IGFN1: variants seen among roughly 807,000 people sequenced by gnomAD.
IGFN1 encodes the protein immunoglobulin like and fibronectin type III domain containing 1.
A neutral mutation model predicts 289.5 loss-of-function variants in IGFN1; 253 were observed. The ratio of observed to expected loss-of-function variants is 0.87; its 90% CI spans 0.79 to 0.97. The LOEUF (loss-of-function observed/expected upper bound fraction) is 0.97. Among genes scored for constraint, IGFN1 ranks in the 50% least tolerant of loss-of-function variants. The pLI, the probability that IGFN1 is intolerant of heterozygous loss-of-function variation, is 0.00. For missense variants in IGFN1, 4,470 were observed against 4,686.1 expected (o/e 0.95, Z 1.35); for synonymous variants, 1,706 against 1,788.5 (o/e 0.95, Z 1.16).
intron 20 of IGFN1, 29 bp downstream of exon 20, chr1:201,222,856 G>C (rs1653826926): frequency 1.3e-6 from 2 of 1,557,166 alleles, no homozygotes; most frequent in Non-Finnish European, 1.8e-6. Flanking sequence ...GTGTGGGGAG[G>C]GAAGCCCAGA....
At chr1:201,204,485 G>A (rs535807179) in intron 10 of IGFN1, among the ~76,000 whole-genome samples, 1 of 152,288 alleles carries the variant, frequency 6.6e-6, no homozygotes, top group Non-Finnish European at 1.5e-5. Flanking sequence ...AGGGAGCTTT[G>A]GACAGACATG....
chr1:201,205,793 A>G (rs1667389394), intron 11 of IGFN1, among the ~76,000 whole-genome samples: 1 of 152,232 alleles, frequency 6.6e-6, no homozygotes, highest in Admixed American at 6.5e-5. Context: ...AGTTTGATAA[A>G]CAAATGACTT....
rs774119530 is a variant in IGFN1, at chr1:201,228,445, C to T, written c.*46C>T. 5.6e-6 allele frequency: 9 copies of T among 1,601,152 alleles called. No individual in the cohort carries two copies. Among genetic ancestry groups the T allele is most frequent in the African/African-American group, 1.3e-5 (1 of 74,720 alleles). The stretch of plus-strand genomic sequence containing the variant: ...GTCCTGGACCCTTGAAGCTTCACTT[C>T]CGACACCTGCACTGGCCCGGGAAGC... On this transcript the variant is annotated 3_prime_UTR_variant, in exon 24 of 24. Transcript: ENST00000335211.
intron 10 of IGFN1, 78 bp downstream of exon 10, chr1:201,203,984 T>C (rs1667280679): frequency 1.5e-6 from 2 of 1,302,692 alleles, no homozygotes; most frequent in Admixed American, 4.5e-5. Flanking sequence ...AACGTGTGTG[T>C]TGGGGGGTAA....
In IGFN1 at chr1:201,227,041, A is replaced by G. The variant is rs1442031237; in HGVS notation, c.10946A>G (p.Lys3649Arg). The change falls in exon 23 of 24, where the codon AAG becomes AGG. Residue 3649 changes from lysine (K) to arginine (R), a missense_variant. Transcript: ENST00000335211. ...GSPRPHVTWF[K>R]NDRSLEGNPA... is the part of the protein sequence containing the mutation. Reference sequence around the variant, plus strand: ...CCCCGGCCCCACGTCACCTGGTTCAAGAATGACCGCAGCCTGGAAGGAAAC... The same window carrying G: ...CCCCGGCCCCACGTCACCTGGTTCAGGAATGACCGCAGCCTGGAAGGAAAC... 4 of 1,613,552 alleles carry G rather than the reference A, an allele frequency of 2.5e-6. No individual in the cohort carries two copies. Among genetic ancestry groups the G allele is most frequent in the Non-Finnish European group, 3.4e-6 (4 of 1,180,042 alleles).
chr1:201,209,046 C>T lies in IGFN1; in HGVS notation c.4153C>T (p.Pro1385Ser), dbSNP rs562822863. The change falls in exon 12 of 24, where the codon CCT becomes TCT. Residue 1385 changes from proline to serine, a missense_variant. By Grantham distance (74) the Pro-to-Ser change is moderately conservative. Transcript: ENST00000335211. Reference protein sequence around the residue: ...ETDNRKDLGVPEGMGAGYRAG... With the variant: ...ETDNRKDLGVSEGMGAGYRAG... ...AGATAATAGGAAAGATTTGGGGGTTCCTGAGGGAATGGGTGCAGGTTACAG... is the reference window on the plus strand; with the variant it reads ...AGATAATAGGAAAGATTTGGGGGTTTCTGAGGGAATGGGTGCAGGTTACAG... The T allele has an allele frequency of 3.1e-5, 48 of 1,535,528 alleles. No homozygotes were observed. The East Asian group carries it at 4.9e-4, about 16-fold the overall frequency.
chr1:201,214,241 A>C lies in IGFN1; in HGVS notation c.8793A>C (p.Thr2931=). Residue 2931 remains threonine, a synonymous_variant, in exon 13 of 24, where the codon ACA becomes ACC. Transcript: ENST00000335211. ...DMEVQPGEAA[T]LSCTLTSDLG... is the part of the protein sequence containing the mutation. ...AAGTGCAGCCGGGGGAGGCCGCCAC[A>C]CTCTCCTGTACCCTCACCAGTGACC... 1 of 1,613,380 alleles carries C rather than the reference A, an allele frequency of 6.2e-7. No individual in the cohort carries two copies. Among genetic ancestry groups the C allele is most frequent in the Non-Finnish European group, 8.5e-7 (1 of 1,179,716 alleles).
At position 201,200,431 on chromosome 1, in the gene IGFN1, C is replaced by T. The variant is rs1320325672; in HGVS notation, c.633+20C>T. ...GCACAGGTGCCTCACCCCATTCCCACCCCTCACTCCATGCCCACCCCACAC... is the reference window on the plus strand; with the variant it reads ...GCACAGGTGCCTCACCCCATTCCCATCCCTCACTCCATGCCCACCCCACAC... On this transcript the variant is annotated intron_variant, in intron 8 of 23. Transcript: ENST00000335211. 6.5e-7 allele frequency: 1 copy of T among 1,542,808 alleles called. No individual in the cohort carries two copies. The highest frequency in any genetic ancestry group is 8.8e-7 in the Non-Finnish European group (1 of 1,139,832).
rs1175508498 is a variant in IGFN1, at chr1:201,208,068, T to A, written c.3175T>A (p.Ser1059Thr). ...CATGAATGACACCAGGAATTGGGCC[T>A]CTGCATGCCAGGCAGGCATGGACCC... ...APMNDTRNWA[S>T]ACQAGMDPRG... The change falls in exon 12 of 24, where the codon TCT becomes ACT. Residue 1059 changes from serine to threonine, a missense_variant. Coordinates refer to ENST00000335211, the MANE Select transcript of IGFN1 (RefSeq NM_001164586.2). 1.3e-6 allele frequency: 2 copies of A among 1,536,976 alleles called. No individual in the cohort carries two copies. Among genetic ancestry groups the A allele is most frequent in the Admixed American group, 3.9e-5 (2 of 50,990 alleles).
chr1:201,210,798 C>G lies in IGFN1; in HGVS notation c.5905C>G (p.Pro1969Ala). 1 of 1,526,892 alleles carries G rather than the reference C, an allele frequency of 6.5e-7. No homozygotes were observed. The highest frequency in any genetic ancestry group is 8.7e-7 in the Non-Finnish European group (1 of 1,143,834). 94.6% of individuals were successfully genotyped at this position (1,526,892 alleles called of 1,614,324 possible). ...KAGYRKDLGA[P>A]KGMGSGSKEG... Reference sequence around the variant, plus strand: ...AGGTTATAGGAAGGATTTGGGGGCTCCTAAGGGAATGGGTTCAGGGAGTAA... The same window carrying G: ...AGGTTATAGGAAGGATTTGGGGGCTGCTAAGGGAATGGGTTCAGGGAGTAA... The change falls in exon 12 of 24, where the codon CCT (proline) becomes GCT (alanine). Residue 1969 changes from proline to alanine, a missense_variant. This residue lies in a region of IGFN1 where 108 missense variants were observed against 128.7 expected (regional missense o/e 0.84). Coordinates refer to ENST00000335211, the MANE Select transcript of IGFN1 (RefSeq NM_001164586.2).
chr1:201,192,389 C>T (rs2102312778), intron 1 of IGFN1, among the ~76,000 whole-genome samples: 1 of 152,286 alleles, frequency 6.6e-6, no homozygotes, highest in South Asian at 2.1e-4. Flanking sequence ...TTCAAGACAT[C>T]CCCCCTCCCT....
chr1:201,206,878 G>T lies in IGFN1; in HGVS notation c.1985G>T (p.Gly662Val). Residue 662 changes from glycine to valine, a missense_variant, in exon 12 of 24, where the codon GGA becomes GTA. Around this residue, in one of 8 missense-constraint regions of IGFN1, gnomAD observed 2,011 missense variants for 1,953.4 expected, o/e 1.03. Transcript: ENST00000335211. ...GTGTGGGGTGGTGGGACTGGCCTGG[G>T]AGAAGCTGGAGACAGCAATGGGGCA... ...IVVWGGGTGLGEAGDSNGAGG... is the reference protein window; with the variant it reads ...IVVWGGGTGLVEAGDSNGAGG... 1 of 1,536,364 alleles carries T rather than the reference G, an allele frequency of 6.5e-7. No homozygotes were observed. Among genetic ancestry groups the T allele is most frequent in the Non-Finnish European group, 8.7e-7 (1 of 1,146,494 alleles).
At position 201,212,267 on chromosome 1, in the gene IGFN1, A is replaced by G. The variant is rs754420005; in HGVS notation, c.7374A>G (p.Ser2458=). ...LGSQGGRQTL[S]DERGSTKDLG... is the part of the protein sequence containing the mutation. ...CTCAGGGAGGGCGACAGACTCTTTC[A>G]GATGAGCGAGGCTCCACCAAAGATC... The change falls in exon 12 of 24, where the codon TCA becomes TCG. Residue 2458 remains serine, a synonymous_variant. Transcript: ENST00000335211. 1.0e-5 allele frequency: 16 copies of G among 1,535,830 alleles called. No individual in the cohort carries two copies. The highest frequency in any genetic ancestry group is 1.4e-5 in the Non-Finnish European group (16 of 1,146,518).
At chr1:201,199,117 C>T (rs1032277638) in intron 5 of IGFN1, among the ~76,000 whole-genome samples, 1 of 152,116 alleles carries the variant, frequency 6.6e-6, no homozygotes, top group African/African-American at 2.4e-5. Context: ...AGGTTGGTCC[C>T]CTTGGTCATG....
intron 4 of IGFN1, among the ~76,000 whole-genome samples, chr1:201,196,331 A>G (rs1666915684): frequency 6.6e-6 from 1 of 152,152 alleles, no homozygotes; most frequent in Non-Finnish European, 1.5e-5. Flanking sequence ...TAATAATAGT[A>G]CCTACTTTAA....
chr1:201,201,605 A>G (rs1342192577), intron 8 of IGFN1, 114 bp from the exon 9 acceptor site: 2 of 613,692 alleles, frequency 3.3e-6, no homozygotes, highest in Non-Finnish European at 5.9e-6. Flanking sequence ...GGGCCAATGC[A>G]TGCTCATCTG....
At chr1:201,199,744 A>G (rs899855491) in intron 7 of IGFN1, 90 bp downstream of exon 7, 3 of 1,132,034 alleles carry the variant, frequency 2.7e-6, no homozygotes, top group Admixed American at 2.2e-5. Flanking sequence ...CTTGAGCCCC[A>G]CCTCTACCCA....
chr1:201,211,096 C>G lies in IGFN1; in HGVS notation c.6203C>G (p.Ala2068Gly), dbSNP rs1260314635. 1.3e-6 allele frequency: 2 copies of G among 1,504,358 alleles called. No homozygotes were observed. The highest frequency in any genetic ancestry group is 1.2e-5 in the South Asian group (1 of 82,280). The allele number at this position is 1,504,358 out of a possible 1,614,324, so 93.2% of individuals were successfully genotyped here. The stretch of plus-strand genomic sequence containing the variant: ...GTAGAAATGGGGTCAGTGAATGAGG[C>G]AGGTTATAGGAAGGATTTAGGGGCT... The part of the protein sequence containing the change: ...SSVEMGSVNE[A>G]GYRKDLGAPK... The change falls in exon 12 of 24, where the codon GCA becomes GGA. Residue 2068 changes from alanine to glycine, a missense_variant. Ala to Gly is a moderately conservative substitution (Grantham distance 60). Coordinates refer to ENST00000335211, the MANE Select transcript of IGFN1 (RefSeq NM_001164586.2).
Position 201,214,173 on chromosome 1 carries a change from C to T in IGFN1, c.8729-4C>T, listed in dbSNP as rs751344628. ...CCCTGGGGATTCCCTCTGTGTCTCT[C>T]CAGGCCCCATGGGCCACTTCTCCCA... is the stretch of plus-strand genomic sequence containing the variant. On this transcript the variant is annotated splice_polypyrimidine_tract_variant and splice_region_variant and intron_variant, in intron 12 of 23. Coordinates refer to ENST00000335211, the MANE Select transcript of IGFN1 (RefSeq NM_001164586.2). 6.2e-7 allele frequency: 1 copy of T among 1,610,342 alleles called. No homozygotes were observed.
Sources: allele counts gnomAD v4.1 joint callset (sites outside exome capture counted in the v4.1 genomes callset), GRCh38; gene constraint gnomAD v4.1.1; regional missense constraint gnomAD v4.1.1; transcripts MANE v1.5; gene names NCBI Gene and HGNC (gene_info 2026-07-23, HGNC 2026-07-21).